RASSF3: variants seen among roughly 807,000 people sequenced by gnomAD.
RASSF3 encodes the protein Ras association domain family member 3.
RASSF3 carries 19 observed loss-of-function variants against 19.9 expected under a neutral mutation model. The observed-to-expected ratio is 0.96, with a 90% confidence interval of 0.67 to 1.40. RASSF3 has a LOEUF of 1.40. RASSF3 is among the 40% of genes most tolerant of loss of function. The pLI is 0.00. For synonymous variants in RASSF3, 110 were observed against 104.2 expected (o/e 1.06, Z -0.34); for missense variants, 306 against 289.8 (o/e 1.06, Z -0.41).
At chr12:64,526,544 T>G (rs2878454) in intron 1 of RASSF3, among the ~76,000 whole-genome samples, 16,653 of 151,918 alleles carry the variant, frequency 0.11, 1,403 homozygotes, top group East Asian at 0.44. Context: ...ATGAGTTGTT[T>G]TTTTTTTAAA....
intron 2 of RASSF3, among the ~76,000 whole-genome samples, chr12:64,601,375 C>T (rs998576654): frequency 9.2e-5 from 14 of 152,148 alleles, no homozygotes; most frequent in Non-Finnish European, 1.9e-4. Context: ...CAAAATTGTT[C>T]GTGAGAGTCT....
chr12:64,561,501 C>G (rs1312312931), intron 2 of RASSF3, among the ~76,000 whole-genome samples: 1 of 152,082 alleles, frequency 6.6e-6, no homozygotes, highest in African/African-American at 2.4e-5. Context: ...ATTGCTCCCC[C>G]ACCACCTCAT....
At chr12:64,567,904 G>C (rs17100448) in intron 2 of RASSF3, among the ~76,000 whole-genome samples, 67,397 of 152,150 alleles carry the variant, frequency 0.44, 15,452 homozygotes, top group African/African-American at 0.54. Flanking sequence ...AGCTACTGCT[G>C]TTGCTCTAAC....
At chr12:64,609,793 G>A (rs1261664957), upstream of RASSF3, among the ~76,000 whole-genome samples, 1 of 152,172 alleles carries the variant, frequency 6.6e-6, no homozygotes, top group Non-Finnish European at 1.5e-5. Context: ...TATAGAACTA[G>A]TTCACCTTTC....
intron 2 of RASSF3, among the ~76,000 whole-genome samples, chr12:64,601,888 C>T (rs555434813): frequency 4.7e-4 from 72 of 151,998 alleles, no homozygotes; most frequent in Non-Finnish European, 9.0e-4. Context: ...GAGGCCGAGG[C>T]GGGCAGATCA....
At chr12:64,601,442 C>T (rs1212977917) in intron 2 of RASSF3, among the ~76,000 whole-genome samples, 5 of 152,142 alleles carry the variant, frequency 3.3e-5, no homozygotes, top group Non-Finnish European at 4.4e-5. Context: ...CCTGCTCTAA[C>T]GCCATCATCT....
At chr12:64,532,475 C>T (rs1868732361), upstream of RASSF3, among the ~76,000 whole-genome samples, 1 of 152,118 alleles carries the variant, frequency 6.6e-6, no homozygotes, top group South Asian at 2.1e-4. Context: ...CTCACCCTTT[C>T]AGAGCACTTA....
At chr12:64,563,933 T>C (rs1475661555) in intron 2 of RASSF3, among the ~76,000 whole-genome samples, 2 of 152,150 alleles carry the variant, frequency 1.3e-5, no homozygotes, top group Admixed American at 6.6e-5. Flanking sequence ...AGAATGTAAG[T>C]TTCATCAGCG....
chr12:64,607,561 A>C (rs147682772), upstream of RASSF3, among the ~76,000 whole-genome samples: 251 of 151,886 alleles, frequency 1.7e-3, 5 homozygotes, highest in East Asian at 0.027. Context: ...TTCAGTAGAG[A>C]TGGGGGTTTC....
chr12:64,643,915 T>G (rs913798942), intron 1 of RASSF3, among the ~76,000 whole-genome samples: 24 of 152,098 alleles, frequency 1.6e-4, no homozygotes, highest in Admixed American at 3.9e-4. Flanking sequence ...TGTATGCAAT[T>G]GAATCGAAAA....
intron 2 of RASSF3, among the ~76,000 whole-genome samples, chr12:64,591,216 C>T (rs1869915935): frequency 6.6e-6 from 1 of 152,120 alleles, no homozygotes; most frequent in African/African-American, 2.4e-5. Flanking sequence ...GTGGCTCACA[C>T]CTGTAATCCC....
chr12:64,511,988 C>A (rs1868331372), intron 1 of RASSF3, among the ~76,000 whole-genome samples: 1 of 152,124 alleles, frequency 6.6e-6, no homozygotes. Context: ...TGTAAGGAGG[C>A]AGATGTAAGC....
chr12:64,696,123 T>TCCC lies in RASSF3; in HGVS notation c.*1211_*1212insCCC, dbSNP rs1592480017. 1.1e-4 allele frequency: 2 copies of TCCC among 17,502 alleles called. No homozygotes were observed. Among genetic ancestry groups the TCCC allele is most frequent in the Non-Finnish European group, 2.4e-4 (2 of 8,216 alleles). 1.1% of individuals were successfully genotyped at this position (17,502 alleles called of 1,614,324 possible). A position where few individuals can be genotyped will look rare whatever the true frequency, so the allele number is the denominator to read the frequency against. ...CCTCCCTCCCTCCCTCCCTCCCTCC[T>TCCC]TCCCTCCCTCTCTCTCCCTCTCCCT... On this transcript the variant is annotated 3_prime_UTR_variant, in exon 5 of 5. Coordinates refer to ENST00000542104, the MANE Select transcript of RASSF3 (RefSeq NM_178169.4).
At chr12:64,539,856 G>C (rs1018342143) in intron 1 of RASSF3, among the ~76,000 whole-genome samples, 2 of 152,136 alleles carry the variant, frequency 1.3e-5, no homozygotes, top group African/African-American at 4.8e-5. Flanking sequence ...CCATCATACA[G>C]ATAGACCAAT....
chr12:64,649,951 A>G (rs1209481772), intron 1 of RASSF3, among the ~76,000 whole-genome samples: 3 of 152,162 alleles, frequency 2.0e-5, no homozygotes, highest in African/African-American at 7.2e-5. Context: ...CATCCCCAGT[A>G]TGCTCTTGTG....
intron 1 of RASSF3, among the ~76,000 whole-genome samples, chr12:64,619,836 C>T (rs964726132): frequency 1.3e-5 from 2 of 151,940 alleles, no homozygotes; most frequent in Non-Finnish European, 2.9e-5. Flanking sequence ...AAAAATTAGG[C>T]AGGCATGGTG....
At chr12:64,512,003 C>T (rs1868331430) in intron 1 of RASSF3, among the ~76,000 whole-genome samples, 1 of 152,130 alleles carries the variant, frequency 6.6e-6, no homozygotes, top group Non-Finnish European at 1.5e-5. Flanking sequence ...GTAAGCACAT[C>T]TGGACAACAC....
intron 2 of RASSF3, 25 bp from the exon 3 acceptor site, chr12:64,688,187 CTAAG>C (rs1873431607): frequency 6.6e-7 from 1 of 1,526,130 alleles, no homozygotes; most frequent in Non-Finnish European, 9.1e-7. Context: ...ATCCACCCAG[CTAAG>C]TGTGTGCTTC....
intron 2 of RASSF3, among the ~76,000 whole-genome samples, chr12:64,566,244 G>A (rs1352092084): frequency 2.0e-5 from 3 of 152,284 alleles, no homozygotes; most frequent in South Asian, 2.1e-4. Flanking sequence ...AATAAGAGAG[G>A]AGAGAAGGTT....
Sources: gnomAD v4.1 joint callset for allele counts (sites outside exome capture counted in the v4.1 genomes callset) on GRCh38, gnomAD v4.1.1 for gene constraint, MANE v1.5 for transcripts, NCBI Gene and HGNC (gene_info 2026-07-23, HGNC 2026-07-21) for gene names.